The following AGTPBP1 variants were observed in gnomAD, a reference collection of about 807,000 sequenced individuals.
AGTPBP1 encodes cytosolic carboxypeptidase 1.
A neutral mutation model predicts 143.9 loss-of-function variants in AGTPBP1; 70 were observed. That is an observed-to-expected ratio of 0.49 (90% CI 0.40 to 0.59). AGTPBP1 has a LOEUF of 0.59. AGTPBP1 is among the 20% of genes least tolerant of loss of function. AGTPBP1 has a pLI of 0.00. For synonymous variants in AGTPBP1, 463 were observed against 500.2 expected, an observed-to-expected ratio of 0.93 and a Z score of 0.99; for missense variants, 1,229 against 1,464.5, an observed-to-expected ratio of 0.84 and a Z score of 2.62.
At chr9:85,798,457 T>G in the AGTPBP1 span, among the ~76,000 whole-genome samples, 2 of 150,898 alleles carry the variant, frequency 1.3e-5, no homozygotes, top group African/African-American at 4.9e-5. Context: ...AACCTCCGCC[T>G]CCTGGGTTCA....
intron 19 of AGTPBP1, among the ~76,000 whole-genome samples, chr9:85,591,657 C>T (rs1828975990): frequency 6.6e-6 from 1 of 152,048 alleles, no homozygotes; most frequent in Admixed American, 6.6e-5. Flanking sequence ...GAACATTGTA[C>T]CTTTATGGTA....
At chr9:85,761,264 A>G in the AGTPBP1 span, among the ~76,000 whole-genome samples, 1 of 152,212 alleles carries the variant, frequency 6.6e-6, no homozygotes, top group Non-Finnish European at 1.5e-5. Context: ...ACAGAATTGG[A>G]AAAAACTACT....
chr9:85,621,207 G>A lies in AGTPBP1; in HGVS notation c.2094C>T (p.Asn698=), dbSNP rs1199066360. Residue 698 remains asparagine (N), a synonymous_variant, in exon 15 of 26, where the codon AAC becomes AAT. Coordinates refer to ENST00000357081, the MANE Select transcript of AGTPBP1 (RefSeq NM_001330701.2). The part of the protein sequence containing the change: ...IIDRVVYDLD[N]PNYTIPEEGD... ...TCATTAAAATCAAGACTTACTTTGGGTTATCCAAGTCATATACCACACGAT... is the reference window on the plus strand; with the variant it reads ...TCATTAAAATCAAGACTTACTTTGGATTATCCAAGTCATATACCACACGAT... 3 of 1,452,208 alleles carry A rather than the reference G, an allele frequency of 2.1e-6. No homozygotes were observed. The highest frequency in any genetic ancestry group is 2.7e-6 in the Non-Finnish European group (3 of 1,104,952). 90.0% of individuals were successfully genotyped at this position (1,452,208 alleles called of 1,614,324 possible).
the AGTPBP1 span, chr9:85,753,488 T>G: frequency 6.3e-7 from 1 of 1,587,024 alleles, no homozygotes; most frequent in Non-Finnish European, 8.6e-7. Context: ...AGAGGTAAAC[T>G]CACACCTGTA....
chr9:85,764,609 A>G, the AGTPBP1 span: 1 of 580,676 alleles, frequency 1.7e-6, no homozygotes, highest in Non-Finnish European at 3.1e-6. Flanking sequence ...AACTAAAAAT[A>G]TATTCATTTA....
chr9:85,689,033 C>A (rs926207200), intron 3 of AGTPBP1, among the ~76,000 whole-genome samples: 1 of 152,106 alleles, frequency 6.6e-6, no homozygotes, highest in Non-Finnish European at 1.5e-5. Flanking sequence ...TGAGACTATA[C>A]ACCTTTACAG....
intron 1 of AGTPBP1, among the ~76,000 whole-genome samples, chr9:85,714,969 G>A (rs527703024): frequency 4.6e-5 from 7 of 152,170 alleles, no homozygotes; most frequent in South Asian, 2.1e-4. Context: ...ATAAAGGGCC[G>A]GGCACAGTAG....
intron 17 of AGTPBP1, among the ~76,000 whole-genome samples, chr9:85,614,893 T>A (rs1185659798): frequency 1.3e-5 from 2 of 152,140 alleles, no homozygotes; most frequent in Non-Finnish European, 2.9e-5. Flanking sequence ...ATTTTATCAA[T>A]CAGGTTCTAA....
intron 1 of AGTPBP1, among the ~76,000 whole-genome samples, chr9:85,713,600 A>C (rs1449090469): frequency 6.6e-6 from 1 of 152,236 alleles, no homozygotes; most frequent in East Asian, 1.9e-4. Context: ...TAGTAATGTC[A>C]TATTTAAAGA....
chr9:85,587,103 T>A (rs1828663256), intron 21 of AGTPBP1, 143 bp from the exon 22 acceptor site: 5 of 956,068 alleles, frequency 5.2e-6, no homozygotes, highest in Non-Finnish European at 2.9e-6. Flanking sequence ...GATGGTAAGC[T>A]CAACCAAATG....
the AGTPBP1 span, among the ~76,000 whole-genome samples, chr9:85,759,213 G>A: frequency 6.6e-6 from 1 of 152,144 alleles, no homozygotes; most frequent in Non-Finnish European, 1.5e-5. Context: ...ACAGATCCAT[G>A]AGACAGAAAT....
intron 1 of AGTPBP1, among the ~76,000 whole-genome samples, chr9:85,714,659 T>A (rs769802552): frequency 1.9e-4 from 29 of 152,188 alleles, no homozygotes; most frequent in Non-Finnish European, 3.8e-4. Flanking sequence ...TTTTTGCTAT[T>A]ATCATTCTAA....
At chr9:85,750,022 C>T in the AGTPBP1 span, among the ~76,000 whole-genome samples, 1,313 of 152,132 alleles carry the variant, frequency 8.6e-3, 22 homozygotes, top group African/African-American at 0.029. Flanking sequence ...GCTGGGACTA[C>T]AGGCACTTGC....
At chr9:85,740,313 T>A (rs1415028015) in intron 1 of AGTPBP1, among the ~76,000 whole-genome samples, 1 of 152,198 alleles carries the variant, frequency 6.6e-6, no homozygotes, top group East Asian at 1.9e-4. Context: ...AGTTTTGTGA[T>A]CATTAAAAAT....
At chr9:85,731,208 A>G (rs1196042164) in intron 1 of AGTPBP1, among the ~76,000 whole-genome samples, 1 of 152,202 alleles carries the variant, frequency 6.6e-6, no homozygotes, top group African/African-American at 2.4e-5. Flanking sequence ...CATTAACTTC[A>G]TCTTAAAGTA....
intron 17 of AGTPBP1, among the ~76,000 whole-genome samples, chr9:85,616,271 G>C (rs1160790762): frequency 6.6e-6 from 1 of 151,892 alleles, no homozygotes; most frequent in Non-Finnish European, 1.5e-5. Flanking sequence ...GGAGAAGGGG[G>C]AAGAAGGAGA....
chr9:85,726,228 T>C (rs1381191731), intron 1 of AGTPBP1, among the ~76,000 whole-genome samples: 1 of 87,012 alleles, frequency 1.1e-5, no homozygotes. Flanking sequence ...AGACTCTGTC[T>C]CAAAAAAAAA....
intron 17 of AGTPBP1, among the ~76,000 whole-genome samples, chr9:85,608,283 T>A (rs570672398): frequency 6.6e-6 from 1 of 152,012 alleles, no homozygotes; most frequent in East Asian, 1.9e-4. Flanking sequence ...TTAATATCAA[T>A]GCATCTGATA....
chr9:85,589,230 C>T (rs965267783), intron 20 of AGTPBP1, among the ~76,000 whole-genome samples: 9 of 152,038 alleles, frequency 5.9e-5, no homozygotes, highest in African/African-American at 1.7e-4. Context: ...TACTATTACA[C>T]GACCTCTTAA....
Sources: allele counts gnomAD v4.1 joint callset (sites outside exome capture counted in the v4.1 genomes callset), GRCh38; gene constraint gnomAD v4.1.1; transcripts MANE v1.5; gene names NCBI Gene and HGNC (gene_info 2026-07-23, HGNC 2026-07-21).